The following RALGAPA2 variants were observed in gnomAD, a reference collection of about 807,000 sequenced individuals.
RALGAPA2 encodes the protein Ral GTPase activating protein catalytic subunit alpha 2.
RALGAPA2 carries 139 observed loss-of-function variants against 230.4 expected under a neutral mutation model. The ratio of observed to expected loss-of-function variants is 0.60; its 90% CI spans 0.53 to 0.69. The LOEUF (loss-of-function observed/expected upper bound fraction) is 0.69. RALGAPA2 is among the 30% of genes least tolerant of loss of function. RALGAPA2 has a pLI of 0.00. For synonymous variants in RALGAPA2, 847 were observed against 837.8 expected (o/e 1.01, Z -0.19); for missense variants, 2,163 against 2,276.0 (o/e 0.95, Z 1.01).
At chr20:20,598,766 C>A (rs866127900) in intron 16 of RALGAPA2, 2 of 456,460 alleles carry the variant, frequency 4.4e-6, no homozygotes, top group Admixed American at 2.4e-5. Flanking sequence ...CTTTTAGTGG[C>A]AGGCAAAGCC....
At chr20:20,402,902 T>C (rs574399013) in intron 38 of RALGAPA2, among the ~76,000 whole-genome samples, 14 of 152,314 alleles carry the variant, frequency 9.2e-5, no homozygotes, top group African/African-American at 2.9e-4. Flanking sequence ...CTGACCTTCC[T>C]GTTCTTCCTG....
rs566805168 is a variant in RALGAPA2, at chr20:20,570,718, T to C, written c.3156+740A>G. 4.6e-5 allele frequency among the ~76,000 whole-genome samples: 7 copies of C among 152,300 alleles called. No homozygotes were observed. In the South Asian group the frequency reaches 1.5e-3, roughly 32 times the overall value. Reference sequence around the variant, plus strand: ...TCTCTGATTCTATCCTACTATCACATTTTCAAATCCATCTTCCAAATGCAG... The same window carrying C: ...TCTCTGATTCTATCCTACTATCACACTTTCAAATCCATCTTCCAAATGCAG... On this transcript the variant is annotated intron_variant, in intron 23 of 39. Coordinates refer to ENST00000202677, the MANE Select transcript of RALGAPA2 (RefSeq NM_020343.4).
chr20:20,710,462 C>T (rs951102815), intron 1 of RALGAPA2, among the ~76,000 whole-genome samples: 1 of 152,082 alleles, frequency 6.6e-6, no homozygotes, highest in African/African-American at 2.4e-5. Context: ...GACTAGAATT[C>T]CTCAGACACA....
chr20:20,463,475 G>C (rs1602444276), intron 37 of RALGAPA2, among the ~76,000 whole-genome samples: 1 of 152,228 alleles, frequency 6.6e-6, no homozygotes, highest in African/African-American at 2.4e-5. Context: ...AAAATGACTA[G>C]ATAATATTTA....
intron 36 of RALGAPA2, among the ~76,000 whole-genome samples, chr20:20,484,985 C>T (rs563695179): frequency 7.3e-4 from 111 of 152,242 alleles, no homozygotes; most frequent in Middle Eastern, 3.5e-3. Context: ...CCACATGCGG[C>T]CCTGGATGAC....
chr20:20,512,577 G>C lies in RALGAPA2; in HGVS notation c.4792C>G (p.Arg1598Gly), dbSNP rs1017215691. 6.2e-7 allele frequency: 1 copy of C among 1,613,742 alleles called. No homozygotes were observed. The highest frequency in any genetic ancestry group is 8.5e-7 in the Non-Finnish European group (1 of 1,179,790). ...AACCTGCAGAAATAAAAGGGTCCTC[G>C]GGGCTCCACTGGGGAGGGCTGCCCT... Reference protein sequence around the residue: ...SQGQPSPVEPRGPFYFCRLLL... With the variant: ...SQGQPSPVEPGGPFYFCRLLL... The change falls in exon 32 of 40, where the codon CGA (arginine) becomes GGA (glycine). Residue 1598 changes from arginine to glycine, a missense_variant. Physicochemically the swap from Arg to Gly is moderately radical, Grantham distance 125. Transcript: ENST00000202677.
chr20:20,393,631 G>A (rs567992595), intron 39 of RALGAPA2, among the ~76,000 whole-genome samples: 7 of 152,252 alleles, frequency 4.6e-5, no homozygotes, highest in South Asian at 2.1e-4. Context: ...TTCAGAGGCC[G>A]CTCTGCAGAT....
intron 6 of RALGAPA2, among the ~76,000 whole-genome samples, chr20:20,640,445 G>A (rs549740989): frequency 9.9e-5 from 15 of 152,112 alleles, no homozygotes; most frequent in South Asian, 2.1e-4. Flanking sequence ...TCTCTACTTC[G>A]TGCTACTGCC....
chr20:20,704,327 TCTC>T (rs1045045085), intron 1 of RALGAPA2, among the ~76,000 whole-genome samples: 1 of 152,090 alleles, frequency 6.6e-6, no homozygotes, highest in African/African-American at 2.4e-5. Flanking sequence ...ATTAGCTACT[TCTC>T]CTATATAAAC....
At chr20:20,695,592 G>A (rs1228831966) in intron 1 of RALGAPA2, among the ~76,000 whole-genome samples, 1 of 152,180 alleles carries the variant, frequency 6.6e-6, no homozygotes, top group Non-Finnish European at 1.5e-5. Flanking sequence ...AAGTGCTAAA[G>A]ACCTGGTTTA....
At chr20:20,637,980 T>C (rs1026553883) in intron 7 of RALGAPA2, among the ~76,000 whole-genome samples, 1 of 152,188 alleles carries the variant, frequency 6.6e-6, no homozygotes, top group East Asian at 1.9e-4. Context: ...GCAAAAGCCA[T>C]GGAATCTTGG....
chr20:20,423,385 C>T (rs934145186), intron 37 of RALGAPA2, among the ~76,000 whole-genome samples: 9 of 152,136 alleles, frequency 5.9e-5, no homozygotes, highest in African/African-American at 2.2e-4. Flanking sequence ...CCCCCACCCC[C>T]ACCAGAGGGT....
At chr20:20,524,302 T>C in intron 30 of RALGAPA2, 104 bp downstream of exon 30, 1 of 1,452,802 alleles carries the variant, frequency 6.9e-7, no homozygotes, top group Non-Finnish European at 9.4e-7. Context: ...ATAAATCCTT[T>C]TCAAAAGGGC....
chr20:20,434,209 C>T (rs2060559819), intron 37 of RALGAPA2, among the ~76,000 whole-genome samples: 2 of 152,212 alleles, frequency 1.3e-5, no homozygotes, highest in Middle Eastern at 3.4e-3. Context: ...TAGTCTCTCC[C>T]AAACAAAAGT....
Position 20,570,056 on chromosome 20 carries a change from A to G in RALGAPA2, c.3156+1402T>C, listed in dbSNP as rs185557968. On this transcript the variant is annotated intron_variant, in intron 23 of 39. Coordinates refer to ENST00000202677, the MANE Select transcript of RALGAPA2 (RefSeq NM_020343.4). ...TCTGTAAAAGATGCTTCCACTTGCA[A>G]TGATGCCTGTAAAATATTTGAGCAG... 3.9e-5 allele frequency among the ~76,000 whole-genome samples: 6 copies of G among 152,266 alleles called. No individual in the cohort carries two copies. In the East Asian group the frequency reaches 5.8e-4, roughly 15 times the overall value.
At chr20:20,659,900 C>T (rs571650553) in intron 3 of RALGAPA2, 1 of 429,374 alleles carries the variant, frequency 2.3e-6, no homozygotes, top group Non-Finnish European at 4.5e-6. Flanking sequence ...TTCTGGTATT[C>T]CAGGAGAACC....
chr20:20,457,050 T>C (rs533475360), intron 37 of RALGAPA2, among the ~76,000 whole-genome samples: 1 of 152,282 alleles, frequency 6.6e-6, no homozygotes, highest in South Asian at 2.1e-4. Flanking sequence ...TCTATTAATA[T>C]TTATCTTTTT....
chr20:20,543,341 G>A (rs905225872), intron 24 of RALGAPA2, among the ~76,000 whole-genome samples: 4 of 152,060 alleles, frequency 2.6e-5, no homozygotes, highest in African/African-American at 4.8e-5. Flanking sequence ...TACCAAGCCC[G>A]GCAGGAACTT....
chr20:20,475,603 A>G (rs904314185), intron 36 of RALGAPA2, among the ~76,000 whole-genome samples: 11 of 152,196 alleles, frequency 7.2e-5, no homozygotes, highest in African/African-American at 2.4e-4. Flanking sequence ...GCCTCAATTT[A>G]ATGAGAGCTT....
Sources: allele counts gnomAD v4.1 joint callset (sites outside exome capture counted in the v4.1 genomes callset), GRCh38; gene constraint gnomAD v4.1.1; transcripts MANE v1.5; gene names NCBI Gene and HGNC (gene_info 2026-07-23, HGNC 2026-07-21).